The following EOGT variants were observed in gnomAD, a reference collection of about 807,000 sequenced individuals.
EOGT encodes the protein EGF domain specific O-linked N-acetylglucosamine transferase, also known as EGF domain-specific O-linked N-acetylglucosamine transferase.
Under a neutral mutation model 70.5 loss-of-function variants are expected in EOGT, and 55 were observed. The ratio of observed to expected loss-of-function variants is 0.78; its 90% CI spans 0.63 to 0.98. The LOEUF is 0.98. Ranked by LOEUF, EOGT falls within the 50% of genes least tolerant of loss-of-function variation. The pLI is 0.00. For missense variants in EOGT, 703 were observed against 641.9 expected (o/e 1.10, Z -1.03); for synonymous variants, 246 against 217.1 (o/e 1.13, Z -1.17).
rs976810187 is a variant in EOGT at position 68,982,870 on chromosome 3, A to C, written c.1155T>G (p.Leu385=). The C allele has an allele frequency of 5.6e-6, 9 of 1,600,404 alleles. No homozygotes were observed. In the African/African-American group the frequency reaches 9.4e-5, roughly 17 times the overall value. ...EYRKILNQNE[L]VNALKTVSTF... ...TAGATACTGTTTTCAGTGCATTTACAAGCTGGGAAAAAAAGAGAAACATTT... is the reference window on the plus strand; with the variant it reads ...TAGATACTGTTTTCAGTGCATTTACCAGCTGGGAAAAAAAGAGAAACATTT... The change falls in exon 15 of 18, where the codon CTT becomes CTG. Residue 385 remains leucine (L), a splice_region_variant and synonymous_variant. Transcript: ENST00000383701.
At position 68,977,241 on chromosome 3, in the gene EOGT, G is replaced by C. The variant is rs948684246; in HGVS notation, c.*377C>G. 2 of 172,284 alleles carry C rather than the reference G, an allele frequency of 1.2e-5. No homozygotes were observed. The highest frequency in any genetic ancestry group is 2.4e-5 in the Non-Finnish European group (2 of 83,470). 10.7% of individuals were successfully genotyped at this position (172,284 alleles called of 1,614,324 possible). A position where few individuals can be genotyped will look rare whatever the true frequency, so the allele number is the denominator to read the frequency against. The stretch of plus-strand genomic sequence containing the variant: ...GTCAGGTGGCTGAGGCAAAAGAATC[G>C]CTTGAACCTGGGGAGGCAGAAGTTG... On this transcript the variant is annotated 3_prime_UTR_variant, in exon 18 of 18. Transcript: ENST00000383701.
chr3:68,977,361 C>G lies in EOGT; in HGVS notation c.*257G>C. On this transcript the variant is annotated 3_prime_UTR_variant, in exon 18 of 18. Coordinates refer to ENST00000383701, the MANE Select transcript of EOGT (RefSeq NM_001278689.2). Reference sequence around the variant, plus strand: ...AAGAAAGAAAGAAAGTTAAAGTATACTGGGGAGTCCATGCTTAATTTTTGA... The same window carrying G: ...AAGAAAGAAAGAAAGTTAAAGTATAGTGGGGAGTCCATGCTTAATTTTTGA... The G allele has an allele frequency of 5.6e-6, 2 of 357,956 alleles. No individual in the cohort carries two copies. Among genetic ancestry groups the G allele is most frequent in the South Asian group, 3.6e-5 (1 of 27,832 alleles). The allele number at this position is 357,956 out of a possible 1,614,324, so 22.2% of individuals were successfully genotyped here.
intron 10 of EOGT, 44 bp downstream of exon 10, chr3:68,997,967 C>T (rs1370394295): frequency 7.9e-6 from 9 of 1,137,922 alleles, no homozygotes; most frequent in Non-Finnish European, 1.2e-5. Flanking sequence ...CACACTGATA[C>T]AAGGGAAAGA....
chr3:69,007,425 G>A (rs950541770), intron 6 of EOGT, among the ~76,000 whole-genome samples: 1 of 150,002 alleles, frequency 6.7e-6, no homozygotes, highest in South Asian at 2.1e-4. Flanking sequence ...GGCTGAGGTG[G>A]GTGGATCCCT....
chr3:68,998,068 A>G lies in EOGT; in HGVS notation c.774T>C (p.Ile258=), dbSNP rs763543565. ...TGAATGAGTTATTAACGTGCTGAGTAATATAAAGATTGATGAAATCACAGA... is the reference window on the plus strand; with the variant it reads ...TGAATGAGTTATTAACGTGCTGAGTGATATAAAGATTGATGAAATCACAGA... The part of the protein sequence containing the change: ...HHFCDFINLY[I]TQHVNNSFST... Residue 258 remains isoleucine (I), a synonymous_variant, in exon 10 of 18, where the codon ATT becomes ATC. Transcript: ENST00000383701. 14 of 1,601,856 alleles carry G rather than the reference A, an allele frequency of 8.7e-6. No homozygotes were observed. The highest frequency in any genetic ancestry group is 9.4e-6 in the Non-Finnish European group (11 of 1,173,948).
intron 14 of EOGT, among the ~76,000 whole-genome samples, chr3:68,986,149 T>G (rs1298543881): frequency 2.6e-5 from 4 of 152,174 alleles, no homozygotes; most frequent in Non-Finnish European, 5.9e-5. Flanking sequence ...GAGGCAAAAG[T>G]TCTCTAGCAG....
At chr3:68,985,810 T>C (rs1439097963) in intron 14 of EOGT, among the ~76,000 whole-genome samples, 6 of 152,226 alleles carry the variant, frequency 3.9e-5, no homozygotes, top group Admixed American at 3.9e-4. Flanking sequence ...GCCACAAATT[T>C]AGCAGCTTAA....
chr3:69,004,718 C>A (rs1480511416), intron 7 of EOGT, among the ~76,000 whole-genome samples: 1 of 152,004 alleles, frequency 6.6e-6, no homozygotes, highest in Non-Finnish European at 1.5e-5. Flanking sequence ...AGTCATCCAT[C>A]CCCCCACCCA....
In EOGT at chr3:68,976,505, T is replaced by C. The variant is rs1382002429; in HGVS notation, c.*1113A>G. ...GTTGCTACATTTTAGGAAAACATGA[T>C]TTAAATATGAAACATGTAATATAAA... On this transcript the variant is annotated 3_prime_UTR_variant, in exon 18 of 18. Coordinates refer to ENST00000383701, the MANE Select transcript of EOGT (RefSeq NM_001278689.2). The C allele has an allele frequency of 6.6e-6, 1 of 152,214 alleles. No homozygotes were observed. Among genetic ancestry groups the C allele is most frequent in the Non-Finnish European group, 1.5e-5 (1 of 68,040 alleles). 9.4% of individuals were successfully genotyped at this position (152,214 alleles called of 1,614,324 possible).
intron 10 of EOGT, among the ~76,000 whole-genome samples, chr3:68,990,348 CT>C (rs56046605): frequency 3.9e-4 from 42 of 107,882 alleles, no homozygotes; most frequent in South Asian, 6.6e-4. Flanking sequence ...TTACCACATG[CT>C]TTTTTTTTTT....
rs376163851 is a variant in EOGT at position 68,975,365 on chromosome 3, T to C, written c.*2253A>G. ...CCTTCTGTTCCCACAAAAAGTCTCATAAAATTCCATAAAGTGTCAAATGTA... is the reference window on the plus strand; with the variant it reads ...CCTTCTGTTCCCACAAAAAGTCTCACAAAATTCCATAAAGTGTCAAATGTA... On this transcript the variant is annotated 3_prime_UTR_variant, in exon 18 of 18. Transcript: ENST00000383701. 6.6e-6 allele frequency: 1 copy of C among 152,652 alleles called. No individual in the cohort carries two copies. The highest frequency in any genetic ancestry group is 1.5e-5 in the Non-Finnish European group (1 of 68,042). 9.5% of individuals were successfully genotyped at this position (152,652 alleles called of 1,614,324 possible).
chr3:69,006,954 C>T (rs1392829514), intron 6 of EOGT, among the ~76,000 whole-genome samples: 6 of 152,190 alleles, frequency 3.9e-5, no homozygotes, highest in Non-Finnish European at 5.9e-5. Flanking sequence ...TGCTATAACG[C>T]TTATAAGCAT....
chr3:68,993,652 C>A (rs1559599806), intron 10 of EOGT, among the ~76,000 whole-genome samples: 1 of 152,148 alleles, frequency 6.6e-6, no homozygotes, highest in Admixed American at 6.5e-5. Context: ...TTCAGCAACA[C>A]CCCACTCTAC....
At chr3:69,010,280 C>A (rs948422489) in intron 3 of EOGT, among the ~76,000 whole-genome samples, 3 of 152,220 alleles carry the variant, frequency 2.0e-5, no homozygotes, top group African/African-American at 7.2e-5. Flanking sequence ...GGCAACTACA[C>A]AACAATGCCT....
chr3:68,987,800 G>C, intron 13 of EOGT: 1 of 464,538 alleles, frequency 2.2e-6, no homozygotes, highest in Non-Finnish European at 3.8e-6. Flanking sequence ...AGGTGAGGGA[G>C]ATATAACCAA....
At chr3:68,980,095 A>C (rs965758810) in intron 15 of EOGT, among the ~76,000 whole-genome samples, 6 of 152,190 alleles carry the variant, frequency 3.9e-5, no homozygotes, top group African/African-American at 1.4e-4. Flanking sequence ...AAACTGTAAA[A>C]ATTGATATAA....
At chr3:68,998,905 A>G (rs1405315604) in intron 9 of EOGT, among the ~76,000 whole-genome samples, 3 of 151,478 alleles carry the variant, frequency 2.0e-5, no homozygotes, top group African/African-American at 7.3e-5. Context: ...AAGTACTGGC[A>G]ATGATGGCAA....
In EOGT at chr3:69,008,430, T is replaced by C; in HGVS notation, c.309A>G (p.Gly103=). 1 of 1,611,044 alleles carries C rather than the reference T, an allele frequency of 6.2e-7. No homozygotes were observed. The change falls in exon 5 of 18, where the codon GGA becomes GGG. Residue 103 remains glycine, a splice_region_variant and synonymous_variant. Transcript: ENST00000383701. ...GGGTATTCCATATGGAAACTTACCA[T>C]CCCATGTCGACATAGCTGCAAACTG... is the stretch of plus-strand genomic sequence containing the variant. ...GYPVCSYVDM[G]WTDTLESAED... is the part of the protein sequence containing the mutation.
At position 68,981,626 on chromosome 3, in the gene EOGT, CTG is replaced by C. The variant is rs199512866; in HGVS notation, c.1214+1183_1214+1184del. Among the ~76,000 whole-genome samples, 55 of 152,278 alleles carry C rather than the reference CTG, an allele frequency of 3.6e-4. No homozygotes were observed. In the East Asian group the frequency reaches 9.8e-3, roughly 27 times the overall value. The stretch of plus-strand genomic sequence containing the variant: ...ATTCTAGCAACAGGAATTACCCAAA[CTG>C]TGAATAATAGGCATATTCTGTCTTT... On this transcript the variant is annotated intron_variant, in intron 15 of 17. Transcript: ENST00000383701.
Sources: gnomAD v4.1 joint callset for allele counts (sites outside exome capture counted in the v4.1 genomes callset) on GRCh38, gnomAD v4.1.1 for gene constraint, MANE v1.5 for transcripts, NCBI Gene and HGNC (gene_info 2026-07-23, HGNC 2026-07-21) for gene names.